Variants in FBXL4 observed in about 807,000 individuals in gnomAD.
FBXL4 encodes F-box and leucine rich repeat protein 4, also known as F-box/LRR-repeat protein 4.
FBXL4 carries 40 observed loss-of-function variants against 58.9 expected under a neutral mutation model. The observed-to-expected ratio is 0.68, with a 90% CI of 0.53 to 0.88. The LOEUF is 0.88. FBXL4 is among the 40% of genes least tolerant of loss of function. The pLI is 0.00. For missense variants in FBXL4, 676 were observed against 734.4 expected (o/e 0.92, Z 0.92); for synonymous variants, 263 against 265.5 (o/e 0.99, Z 0.09).
intron 7 of FBXL4, among the ~76,000 whole-genome samples, chr6:98,894,502 G>C (rs1337748468): frequency 1.3e-5 from 2 of 152,032 alleles, no homozygotes; most frequent in African/African-American, 4.8e-5. Context: ...GTAATTCTGG[G>C]ATTACACACT....
chr6:98,940,354 T>C (rs775489864), intron 1 of FBXL4, among the ~76,000 whole-genome samples: 49 of 152,256 alleles, frequency 3.2e-4, no homozygotes, highest in African/African-American at 4.6e-4. Flanking sequence ...AATTCAGTTG[T>C]TGCTAAACAT....
In FBXL4 at chr6:98,926,804, C is replaced by G. The variant is rs1261194456; in HGVS notation, c.185G>C (p.Ser62Thr). The change falls in exon 4 of 10, where the codon AGT becomes ACT. Residue 62 changes from serine (S) to threonine (T), a missense_variant. Transcript: ENST00000369244. Reference sequence around the variant, plus strand: ...ACTATTCTCACTTCCATAATGGGAACTGAAATCCACTACTTCTTTGGCATA... The same window carrying G: ...ACTATTCTCACTTCCATAATGGGAAGTGAAATCCACTACTTCTTTGGCATA... Reference protein sequence around the residue: ...VQYAKEVVDFSSHYGSENSMS... With the variant: ...VQYAKEVVDFTSHYGSENSMS... 3 of 1,614,080 alleles carry G rather than the reference C, an allele frequency of 1.9e-6. No homozygotes were observed. In the African/African-American group the frequency reaches 4.0e-5, roughly 22 times the overall value.
In FBXL4 at chr6:98,915,295, T is replaced by G. The variant is rs574445352; in HGVS notation, c.858+2079A>C. Among the ~76,000 whole-genome samples, 394 of 152,264 alleles carry G rather than the reference T, an allele frequency of 2.6e-3. 3 individuals are homozygous for G. Among genetic ancestry groups the G allele is most frequent in the African/African-American group, 9.1e-3 (377 of 41,544 alleles). On this transcript the variant is annotated intron_variant, in intron 5 of 9. Transcript: ENST00000369244. ...ATCCCCATCAAGCTACCAATGAATT[T>G]CTTCACAGAATTGGAAAAAACTACT... is the stretch of plus-strand genomic sequence containing the variant.
rs1286760520 is a variant in FBXL4, at chr6:98,872,384, C to G, written c.*1894G>C. The G allele has an allele frequency of 6.6e-6, 1 of 152,036 alleles. No individual in the cohort carries two copies. Among genetic ancestry groups the G allele is most frequent in the Non-Finnish European group, 1.5e-5 (1 of 68,004 alleles). 9.4% of individuals were successfully genotyped at this position (152,036 alleles called of 1,614,324 possible). On this transcript the variant is annotated 3_prime_UTR_variant, in exon 10 of 10. Coordinates refer to ENST00000369244, the MANE Select transcript of FBXL4 (RefSeq NM_001278716.2). ...GATTAATGTAAGTATTTGACAATAC[C>G]TATCTGCAAGGAATTTTCAGAAGTA...
chr6:98,932,811 A>G (rs1384454245), intron 2 of FBXL4, among the ~76,000 whole-genome samples: 1 of 152,110 alleles, frequency 6.6e-6, no homozygotes, highest in Non-Finnish European at 1.5e-5. Flanking sequence ...GAAAAACACA[A>G]AAAGGACAGG....
At chr6:98,898,407 C>T (rs1165743722) in intron 7 of FBXL4, 2 of 985,202 alleles carry the variant, frequency 2.0e-6, no homozygotes, top group Non-Finnish European at 2.4e-6. Context: ...ATGTGTAAAA[C>T]CATGCACAGG....
At chr6:98,939,075 C>CAAAAA (rs3068704) in intron 1 of FBXL4, among the ~76,000 whole-genome samples, 17 of 25,180 alleles carry the variant, frequency 6.8e-4, no homozygotes, top group South Asian at 4.0e-3. Flanking sequence ...GACCTTGTCT[C>CAAAAA]AAAAAAAAAA....
chr6:98,939,834 T>A (rs1276334673), intron 1 of FBXL4, among the ~76,000 whole-genome samples: 2 of 152,264 alleles, frequency 1.3e-5, no homozygotes, highest in African/African-American at 4.8e-5. Flanking sequence ...CACTTCTTAC[T>A]GTAATACACA....
chr6:98,927,112 A>G, intron 3 of FBXL4, 52 bp from the exon 4 acceptor site: 1 of 898,340 alleles, frequency 1.1e-6, no homozygotes, highest in Admixed American at 2.4e-5. Context: ...AAGCAGAAAA[A>G]TGCATGGATA....
At chr6:98,896,806 C>T in intron 7 of FBXL4, 6 of 979,794 alleles carry the variant, frequency 6.1e-6, no homozygotes, top group Non-Finnish European at 6.1e-6. Context: ...CTGAGGGAAA[C>T]CAGAGCTTAT....
chr6:98,876,836 G>A (rs1770680293), intron 8 of FBXL4, among the ~76,000 whole-genome samples: 1 of 152,172 alleles, frequency 6.6e-6, no homozygotes, highest in African/African-American at 2.4e-5. Flanking sequence ...GGAGGGCAGA[G>A]TCACGCAGTG....
At chr6:98,939,776 T>C (rs1015082022) in intron 1 of FBXL4, among the ~76,000 whole-genome samples, 2 of 152,388 alleles carry the variant, frequency 1.3e-5, no homozygotes, top group East Asian at 1.9e-4. Context: ...TCAAAGTTTA[T>C]GGTATTACAC....
intron 7 of FBXL4, 70 bp downstream of exon 7, chr6:98,899,198 C>A: frequency 6.3e-7 from 1 of 1,582,744 alleles, no homozygotes; most frequent in South Asian, 1.2e-5. Flanking sequence ...TTATTATGAG[C>A]AATTACAGAA....
chr6:98,899,592 T>C, intron 6 of FBXL4, 111 bp from the exon 7 acceptor site: 2 of 1,250,800 alleles, frequency 1.6e-6, no homozygotes, highest in South Asian at 1.7e-5. Flanking sequence ...AGATTTCTAT[T>C]AGGGAAAATG....
intron 5 of FBXL4, among the ~76,000 whole-genome samples, chr6:98,909,663 C>T (rs989133747): frequency 6.6e-6 from 1 of 152,222 alleles, no homozygotes; most frequent in South Asian, 2.1e-4. Context: ...AGATGAATTG[C>T]TCCCACTGCT....
At chr6:98,922,845 T>A (rs899797380) in intron 4 of FBXL4, among the ~76,000 whole-genome samples, 1 of 152,202 alleles carries the variant, frequency 6.6e-6, no homozygotes, top group Non-Finnish European at 1.5e-5. Context: ...TACTGTATGT[T>A]AATTTAGCAA....
intron 8 of FBXL4, among the ~76,000 whole-genome samples, chr6:98,879,095 C>A (rs897807810): frequency 6.6e-6 from 1 of 152,192 alleles, no homozygotes; most frequent in African/African-American, 2.4e-5. Flanking sequence ...TTAGTCTACA[C>A]TGCCAAATCT....
Position 98,926,827 on chromosome 6 carries a change from A to G in FBXL4, c.162T>C (p.Tyr54=). 6 of 1,614,212 alleles carry G rather than the reference A, an allele frequency of 3.7e-6. No individual in the cohort carries two copies. The highest frequency in any genetic ancestry group is 4.2e-6 in the Non-Finnish European group (5 of 1,180,036). ...TSPLNAEVVQ[Y]AKEVVDFSSH... ...AACTGAAATCCACTACTTCTTTGGC[A>G]TACTGGACTACCTCTGCATTGAGAG... is the stretch of plus-strand genomic sequence containing the variant. The change falls in exon 4 of 10, where the codon TAT becomes TAC. Residue 54 remains tyrosine, a synonymous_variant. Transcript: ENST00000369244.
At chr6:98,901,424 A>AGT (rs1336778412) in intron 6 of FBXL4, among the ~76,000 whole-genome samples, 2 of 152,162 alleles carry the variant, frequency 1.3e-5, no homozygotes, top group African/African-American at 4.8e-5. Context: ...CAGTTGACGT[A>AGT]GTGTGTGTCA....
Sources: allele counts gnomAD v4.1 joint callset (sites outside exome capture counted in the v4.1 genomes callset), GRCh38; gene constraint gnomAD v4.1.1; transcripts MANE v1.5; gene names NCBI Gene and HGNC (gene_info 2026-07-23, HGNC 2026-07-21).